The following AFF2 variants were observed in gnomAD, a reference collection of about 807,000 sequenced individuals.
The protein encoded by AFF2 is ALF transcription elongation factor 2, also known as AF4/FMR2 family member 2.
Under a neutral mutation model 76.9 loss-of-function variants are expected in AFF2, and 14 were observed. The ratio of observed to expected loss-of-function variants is 0.18; its 90% CI spans 0.12 to 0.28. The LOEUF (loss-of-function observed/expected upper bound fraction) is 0.28. Ranked by LOEUF, AFF2 falls within the 10% of genes least tolerant of loss-of-function variation. AFF2 has a pLI of 1.00. For synonymous variants in AFF2, 398 were observed against 366.7 expected (o/e 1.09, Z -0.98); for missense variants, 868 against 1,001.1 (o/e 0.87, Z 1.79).
intron 3 of AFF2, among the ~76,000 whole-genome samples, chrX:148,758,467 A>G (rs1034454414): frequency 8.9e-6 from 1 of 112,211 alleles, no homozygotes; most frequent in East Asian, 2.8e-4. Context: ...AATAAAAACT[A>G]GAATGAAAAT....
Position 148,966,623 on chromosome X carries a change from A to G in AFF2, c.2914-167A>G, listed in dbSNP as rs16994890. Among the ~76,000 whole-genome samples the G allele has an allele frequency of 7.0e-3, 768 of 110,065 alleles. 9 individuals are homozygous for G. Among genetic ancestry groups the G allele is most frequent in the African/African-American group, 0.024 (712 of 30,197 alleles). ...CAAAAGCTGGTGATTCATGGCGTTC[A>G]TAAAATATCCAGGGTCACCTATTTA... On this transcript the variant is annotated intron_variant, in intron 13 of 20. Transcript: ENST00000370460.
chrX:148,667,651 TC>T (rs1557258620), intron 3 of AFF2, among the ~76,000 whole-genome samples: 1 of 111,253 alleles, frequency 9.0e-6, no homozygotes, highest in Non-Finnish European at 1.9e-5. Context: ...GCAGGGAAAC[TC>T]CCCCTTATAA....
intron 7 of AFF2, among the ~76,000 whole-genome samples, chrX:148,856,823 C>T (rs1235008702): frequency 8.9e-6 from 1 of 111,935 alleles, no homozygotes; most frequent in Non-Finnish European, 1.9e-5. Flanking sequence ...TTCTTTATTC[C>T]CAGTTTTTGC....
intron 1 of AFF2, among the ~76,000 whole-genome samples, chrX:148,619,211 A>T (rs1366662207): frequency 9.0e-6 from 1 of 111,201 alleles, no homozygotes. Flanking sequence ...GTCCTGCATG[A>T]GTCCCTCCTG....
At chrX:148,614,751 T>C (rs1282206698) in intron 1 of AFF2, among the ~76,000 whole-genome samples, 131 of 47,350 alleles carry the variant, frequency 2.8e-3, no homozygotes, top group Non-Finnish European at 3.5e-3. Context: ...TCTTTCTTTC[T>C]TTCTTTCTTT....
intron 7 of AFF2, among the ~76,000 whole-genome samples, chrX:148,864,096 G>A (rs781877977): frequency 3.6e-5 from 4 of 111,581 alleles, no homozygotes; most frequent in African/African-American, 9.8e-5. Context: ...TGAGCAAGTC[G>A]TCATCATTTG....
intron 3 of AFF2, among the ~76,000 whole-genome samples, chrX:148,671,571 A>G (rs993210737): frequency 9.0e-6 from 1 of 111,299 alleles, no homozygotes; most frequent in African/African-American, 3.3e-5. Context: ...TCTTGTTTGT[A>G]TAGTAATTTC....
intron 9 of AFF2, among the ~76,000 whole-genome samples, chrX:148,921,192 T>TA (rs11421116): frequency 0.095 from 10,653 of 111,908 alleles, 1,224 homozygotes; most frequent in African/African-American, 0.33. Context: ...ATTCCTCTCT[T>TA]AAACTTTCCC....
chrX:148,828,901 AATACTGATCACT>A (rs1447521327), intron 4 of AFF2, among the ~76,000 whole-genome samples: 1 of 112,131 alleles, frequency 8.9e-6, no homozygotes, highest in Admixed American at 9.5e-5. Context: ...GGAGATTCAG[AATACTGATCACT>A]ATACTTCCCA....
intron 1 of AFF2, among the ~76,000 whole-genome samples, chrX:148,568,790 C>T (rs2053197770): frequency 8.9e-6 from 1 of 111,834 alleles, no homozygotes; most frequent in Non-Finnish European, 1.9e-5. Flanking sequence ...TCTTGCCTTG[C>T]AGTTGGCAGA....
chrX:148,962,819 G>A lies in AFF2; in HGVS notation c.2795G>A (p.Gly932Asp). ...EDPPRRRNVS[G>D]NNGPFGQDKN... ...CCTCCACGCCGCAGAAATGTCAGTG[G>A]CAATAATGGTCCCTTTGGTCAAGAC... Residue 932 changes from glycine (G) to aspartate (D), a missense_variant, in exon 13 of 21, where the codon GGC (glycine) becomes GAC (aspartate). Gly to Asp is a moderately conservative substitution (Grantham distance 94, BLOSUM62 -1). Around this residue, in one of 6 missense-constraint regions of AFF2, gnomAD observed 532 missense variants for 564.2 expected, o/e 0.94. Coordinates refer to ENST00000370460, the MANE Select transcript of AFF2 (RefSeq NM_002025.4). 8.3e-7 allele frequency: 1 copy of A among 1,209,173 alleles called. No individual in the cohort carries two copies. Among genetic ancestry groups the A allele is most frequent in the Non-Finnish European group, 1.1e-6 (1 of 893,053 alleles).
chrX:148,823,982 G>A (rs1603306691), intron 4 of AFF2, among the ~76,000 whole-genome samples: 1 of 109,999 alleles, frequency 9.1e-6, no homozygotes, highest in African/African-American at 3.3e-5. Flanking sequence ...GAAATAAGAG[G>A]GTACATCAGA....
chrX:148,789,802 T>C (rs1182692471), intron 3 of AFF2, among the ~76,000 whole-genome samples: 1 of 111,810 alleles, frequency 8.9e-6, no homozygotes, highest in Non-Finnish European at 1.9e-5. Flanking sequence ...GTATAATCAA[T>C]ACATTTTATC....
intron 1 of AFF2, among the ~76,000 whole-genome samples, chrX:148,636,052 C>T (rs1222594871): frequency 9.1e-6 from 1 of 110,458 alleles, no homozygotes; most frequent in African/African-American, 3.3e-5. Context: ...TTAGTACTCC[C>T]AGCATATATA....
At chrX:148,555,861 A>G (rs1391800435) in intron 1 of AFF2, among the ~76,000 whole-genome samples, 1 of 112,492 alleles carries the variant, frequency 8.9e-6, no homozygotes, top group Non-Finnish European at 1.9e-5. Flanking sequence ...GATGCTTGCT[A>G]TTAGGTTTTG....
In AFF2 at chrX:148,648,874, A is replaced by C. The variant is rs1310843732; in HGVS notation, c.48-3125A>C. Among the ~76,000 whole-genome samples, 7 of 111,844 alleles carry C rather than the reference A, an allele frequency of 6.3e-5. No homozygotes were observed. The East Asian group carries it at 2.0e-3, about 32-fold the overall frequency. On this transcript the variant is annotated intron_variant, in intron 1 of 20. Transcript: ENST00000370460. The stretch of plus-strand genomic sequence containing the variant: ...AGAAAAAAGTTGGAAAAATATCCTA[A>C]CTTGCTAAGAGTGATGAATCCTTGA...
chrX:148,651,524 C>T (rs1056293649), intron 1 of AFF2, among the ~76,000 whole-genome samples: 2 of 111,871 alleles, frequency 1.8e-5, no homozygotes, highest in Non-Finnish European at 3.8e-5. Context: ...TTCATCAAAA[C>T]AAGCTCACTT....
intron 3 of AFF2, among the ~76,000 whole-genome samples, chrX:148,699,109 C>G (rs188577909): frequency 8.9e-6 from 1 of 111,909 alleles, no homozygotes; most frequent in Non-Finnish European, 1.9e-5. Context: ...GGAGTTTGTA[C>G]AGTAGCTGAC....
At chrX:148,520,474 C>T (rs1403803218) in intron 1 of AFF2, among the ~76,000 whole-genome samples, 1 of 111,610 alleles carries the variant, frequency 9.0e-6, no homozygotes, top group African/African-American at 3.3e-5. Context: ...GGTAGGCACC[C>T]GGCTCCCACG....
Sources: gnomAD v4.1 joint callset for allele counts (sites outside exome capture counted in the v4.1 genomes callset) on GRCh38, gnomAD v4.1.1 for gene constraint, gnomAD v4.1.1 regional missense constraint, MANE v1.5 for transcripts, NCBI Gene and HGNC (gene_info 2026-07-23, HGNC 2026-07-21) for gene names.